NEK10: variants seen among roughly 807,000 people sequenced by gnomAD.
NEK10 encodes NIMA related kinase 10.
In NEK10, 122 loss-of-function variants were observed where a neutral mutation model predicts 159.8. The observed-to-expected ratio is 0.76, with a 90% CI of 0.66 to 0.89. The LOEUF (loss-of-function observed/expected upper bound fraction) is 0.89, where lower values mean the gene tolerates loss of function less well. Among genes scored for constraint, NEK10 ranks in the 40% least tolerant of loss-of-function variants. NEK10 has a pLI of 0.00. For missense variants in NEK10, 1,342 were observed against 1,323.1 expected (o/e 1.01, Z -0.22); for synonymous variants, 466 against 457.1 (o/e 1.02, Z -0.25).
At chr3:27,262,736 A>AT (rs957500935) in intron 22 of NEK10, among the ~76,000 whole-genome samples, 3 of 151,854 alleles carry the variant, frequency 2.0e-5, no homozygotes, top group Non-Finnish European at 4.4e-5. Context: ...CATTCATCTA[A>AT]TTTTTTTTCA....
chr3:27,293,584 A>G lies in NEK10; in HGVS notation c.1373+4T>C. 6.8e-7 allele frequency: 1 copy of G among 1,481,402 alleles called. No homozygotes were observed. Among genetic ancestry groups the G allele is most frequent in the Non-Finnish European group, 9.4e-7 (1 of 1,065,672 alleles). 91.8% of individuals were successfully genotyped at this position (1,481,402 alleles called of 1,614,324 possible). A position where few individuals can be genotyped will look rare whatever the true frequency, so the allele number is the denominator to read the frequency against. On this transcript the variant is annotated splice_donor_region_variant and intron_variant, in intron 16 of 35. Coordinates refer to ENST00000691995, the MANE Select transcript of NEK10 (RefSeq NM_001394966.1). ...TGATCACTTATATTTCTCTAACCTC[A>G]TACCTTTTAAAGAGTGGTCTGTTTC...
At chr3:27,182,234 T>C (rs1244294580) in intron 26 of NEK10, among the ~76,000 whole-genome samples, 1 of 152,172 alleles carries the variant, frequency 6.6e-6, no homozygotes, top group Non-Finnish European at 1.5e-5. Flanking sequence ...TGGTAATGCA[T>C]ATGTTATGTG....
intron 5 of NEK10, among the ~76,000 whole-genome samples, chr3:27,334,257 A>T (rs746431441): frequency 2.0e-4 from 31 of 152,130 alleles, no homozygotes; most frequent in Admixed American, 4.6e-4. Context: ...TGCCTAGCCC[A>T]TTGCAGCCAC....
At chr3:27,282,109 G>C (rs1559421231) in intron 22 of NEK10, among the ~76,000 whole-genome samples, 1 of 152,110 alleles carries the variant, frequency 6.6e-6, no homozygotes, top group Admixed American at 6.6e-5. Context: ...TGCTGTAACT[G>C]TACTGGCAGG....
intron 16 of NEK10, among the ~76,000 whole-genome samples, chr3:27,292,701 G>C (rs543793241): frequency 6.6e-6 from 1 of 150,484 alleles, no homozygotes. Context: ...AGGTGTGGTG[G>C]TGCATGCCTG....
chr3:27,170,203 T>A (rs1946830546), intron 29 of NEK10, among the ~76,000 whole-genome samples: 1 of 152,166 alleles, frequency 6.6e-6, no homozygotes, highest in Non-Finnish European at 1.5e-5. Context: ...GTTACACAGA[T>A]GCTGCCACCT....
At chr3:27,129,519 C>T (rs1283061177) in intron 32 of NEK10, among the ~76,000 whole-genome samples, 1 of 151,904 alleles carries the variant, frequency 6.6e-6, no homozygotes, top group African/African-American at 2.4e-5. Context: ...AAGATTATAC[C>T]AGAAAAGGGG....
At chr3:27,243,738 T>G (rs1954782500) in intron 23 of NEK10, among the ~76,000 whole-genome samples, 1 of 152,108 alleles carries the variant, frequency 6.6e-6, no homozygotes, top group Non-Finnish European at 1.5e-5. Context: ...AGGTCCCTGT[T>G]CTACCCTACT....
Position 27,119,801 on chromosome 3 carries a change from C to T in NEK10, c.3149G>A (p.Arg1050His), listed in dbSNP as rs764433352. 86 of 1,613,766 alleles carry T rather than the reference C, an allele frequency of 5.3e-5. No homozygotes were observed. The highest frequency in any genetic ancestry group is 9.3e-5 in the African/African-American group (7 of 74,880). The stretch of plus-strand genomic sequence containing the variant: ...GGACAGGCTGTTTCCACCGGATGAA[C>T]GATGTAATAAATGGTAATCTGCTGT... ...FFTADYHLLH[R>H]SSGGNSLSPN... Residue 1050 changes from arginine to histidine, a missense_variant, in exon 33 of 36, where the codon CGT becomes CAT. By Grantham distance (29) the Arg-to-His change is conservative (BLOSUM62 0). Coordinates refer to ENST00000691995, the MANE Select transcript of NEK10 (RefSeq NM_001394966.1).
At chr3:27,245,342 T>C (rs1954951885) in intron 23 of NEK10, among the ~76,000 whole-genome samples, 1 of 152,200 alleles carries the variant, frequency 6.6e-6, no homozygotes, top group Admixed American at 6.5e-5. Context: ...GATAAATGTA[T>C]TTCACACATT....
rs570505400 is a variant in NEK10, at chr3:27,185,572, C to A, written c.2505+6457G>T. Among the ~76,000 whole-genome samples, 16 of 152,310 alleles carry A rather than the reference C, an allele frequency of 1.1e-4. No homozygotes were observed. In the East Asian group the frequency reaches 3.1e-3, roughly 29 times the overall value. On this transcript the variant is annotated intron_variant, in intron 26 of 35. Coordinates refer to ENST00000691995, the MANE Select transcript of NEK10 (RefSeq NM_001394966.1). ...ATTTCCAGCCTGTTCCTCCTGCCAACCATCCCTATGGATTTTGCACTTGCC... is the reference window on the plus strand; with the variant it reads ...ATTTCCAGCCTGTTCCTCCTGCCAAACATCCCTATGGATTTTGCACTTGCC...
chr3:27,125,385 A>C (rs1444103729), intron 32 of NEK10, among the ~76,000 whole-genome samples: 1 of 152,170 alleles, frequency 6.6e-6, no homozygotes, highest in Non-Finnish European at 1.5e-5. Flanking sequence ...ACTCTGAAGG[A>C]AACTGAGCCA....
intron 22 of NEK10, among the ~76,000 whole-genome samples, chr3:27,258,226 AT>A (rs1956420789): frequency 6.6e-6 from 1 of 152,080 alleles, no homozygotes; most frequent in African/African-American, 2.4e-5. Flanking sequence ...TATTATATAT[AT>A]TTTTTATTAT....
rs962065160 is a variant in NEK10, at chr3:27,225,650, T to C, written c.2091-23093A>G. Among the ~76,000 whole-genome samples the C allele has an allele frequency of 4.6e-5, 7 of 152,300 alleles. No individual in the cohort carries two copies. In the East Asian group the frequency reaches 9.7e-4, roughly 21 times the overall value. ...GGGAGGGACAAAGCTTTAGCCAACA[T>C]TGTATTGGGTCAGGCACAACTTGTA... On this transcript the variant is annotated intron_variant, in intron 23 of 35. Transcript: ENST00000691995.
intron 23 of NEK10, among the ~76,000 whole-genome samples, chr3:27,248,345 C>A (rs1302610820): frequency 6.6e-6 from 1 of 151,590 alleles, no homozygotes; most frequent in Non-Finnish European, 1.5e-5. Context: ...GTATTGTTTT[C>A]TTCATTTCCA....
intron 23 of NEK10, among the ~76,000 whole-genome samples, chr3:27,227,801 A>G (rs1408313358): frequency 6.6e-6 from 1 of 152,248 alleles, no homozygotes; most frequent in Non-Finnish European, 1.5e-5. Context: ...CATAAACAGT[A>G]GAAGGTCCCT....
At chr3:27,252,841 A>C (rs1308144776) in intron 23 of NEK10, 2 of 492,444 alleles carry the variant, frequency 4.1e-6, no homozygotes, top group Admixed American at 4.2e-5. Flanking sequence ...AAGCTGAAGA[A>C]CTTGGCAGAG....
At chr3:27,116,169 C>T (rs1256131684) in intron 33 of NEK10, 42 bp from the exon 34 acceptor site, 2 of 1,583,778 alleles carry the variant, frequency 1.3e-6, no homozygotes, top group South Asian at 1.1e-5. Flanking sequence ...TTTGGGTTCA[C>T]ATTTTCTTAG....
intron 4 of NEK10, among the ~76,000 whole-genome samples, chr3:27,345,006 A>T (rs2149787628): frequency 6.6e-6 from 1 of 152,326 alleles, no homozygotes; most frequent in Non-Finnish European, 1.5e-5. Flanking sequence ...GGTTAAAAAT[A>T]CCTCTAAAAC....
Sources: gnomAD v4.1 joint callset for allele counts (sites outside exome capture counted in the v4.1 genomes callset) on GRCh38, gnomAD v4.1.1 for gene constraint, MANE v1.5 for transcripts, NCBI Gene and HGNC (gene_info 2026-07-23, HGNC 2026-07-21) for gene names.